Variants in LINGO2 observed in about 807,000 individuals in gnomAD.
LINGO2 encodes leucine rich repeat and Ig domain containing 2, also known as leucine-rich repeat and immunoglobulin-like domain-containing nogo receptor-interacting protein 2.
A neutral mutation model predicts 30.6 loss-of-function variants in LINGO2; 14 were observed. The ratio of observed to expected loss-of-function variants is 0.46; its 90% CI spans 0.30 to 0.72. The LOEUF is 0.72. Among genes scored for constraint, LINGO2 ranks in the 30% least tolerant of loss-of-function variants. LINGO2 has a pLI of 0.07. For missense variants in LINGO2, 729 were observed against 751.7 expected (o/e 0.97, Z 0.35); for synonymous variants, 317 against 288.5 (o/e 1.10, Z -1.00).
At chr9:28,871,173 T>C in the LINGO2 span, among the ~76,000 whole-genome samples, 1 of 151,802 alleles carries the variant, frequency 6.6e-6, no homozygotes, top group East Asian at 1.9e-4. Flanking sequence ...AATATTGCTA[T>C]GTAGATACTA....
At chr9:29,097,148 T>C in the LINGO2 span, among the ~76,000 whole-genome samples, 1 of 138,726 alleles carries the variant, frequency 7.2e-6, no homozygotes, top group Non-Finnish European at 1.6e-5. Context: ...TTGCTTTTCA[T>C]ATATCGTTAC....
At chr9:28,505,642 C>A (rs1820078398) in intron 1 of LINGO2, among the ~76,000 whole-genome samples, 2 of 151,792 alleles carry the variant, frequency 1.3e-5, no homozygotes, top group South Asian at 4.1e-4. Flanking sequence ...AGTTTACAAA[C>A]AATAAATAGT....
intron 5 of LINGO2, among the ~76,000 whole-genome samples, chr9:27,955,723 C>A (rs1193815931): frequency 2.0e-5 from 3 of 151,894 alleles, no homozygotes; most frequent in African/African-American, 7.3e-5. Context: ...CCAAGAGCTG[C>A]TATGAATATT....
chr9:29,007,917 T>C, the LINGO2 span, among the ~76,000 whole-genome samples: 58,786 of 151,864 alleles, frequency 0.39, 11,611 homozygotes, highest in East Asian at 0.5. Flanking sequence ...AGCCGTAATA[T>C]TTGTTTTTTA....
chr9:28,160,721 T>G (rs1564009731), intron 4 of LINGO2, among the ~76,000 whole-genome samples: 1 of 152,186 alleles, frequency 6.6e-6, no homozygotes, highest in Non-Finnish European at 1.5e-5. Flanking sequence ...TGTTATTCTA[T>G]CCTCAGTGCT....
At chr9:28,698,116 C>T in the LINGO2 span, among the ~76,000 whole-genome samples, 1 of 152,042 alleles carries the variant, frequency 6.6e-6, no homozygotes, top group Admixed American at 6.6e-5. Flanking sequence ...ACTACATATA[C>T]AATCAATGTG....
the LINGO2 span, among the ~76,000 whole-genome samples, chr9:29,110,483 C>T: frequency 2.0e-5 from 3 of 151,792 alleles, no homozygotes; most frequent in African/African-American, 7.3e-5. Context: ...CAGGCGCCCG[C>T]CGCCACGCCC....
At chr9:28,389,943 C>G (rs1478167529) in intron 2 of LINGO2, among the ~76,000 whole-genome samples, 1 of 152,144 alleles carries the variant, frequency 6.6e-6, no homozygotes, top group Non-Finnish European at 1.5e-5. Flanking sequence ...GTTTCATGTT[C>G]CAACATTCCA....
chr9:29,203,354 G>T, the LINGO2 span, among the ~76,000 whole-genome samples: 2 of 152,170 alleles, frequency 1.3e-5, no homozygotes, highest in South Asian at 4.1e-4. Context: ...TGGAAGGAAT[G>T]TTTTGCAAGG....
At chr9:28,133,614 T>C (rs540469168) in intron 4 of LINGO2, among the ~76,000 whole-genome samples, 2 of 152,294 alleles carry the variant, frequency 1.3e-5, no homozygotes, top group East Asian at 3.9e-4. Context: ...GAGCAATGTG[T>C]TGAGAGACAG....
At chr9:28,772,741 A>G in the LINGO2 span, among the ~76,000 whole-genome samples, 1 of 152,190 alleles carries the variant, frequency 6.6e-6, no homozygotes, top group African/African-American at 2.4e-5. Flanking sequence ...TTTCCATATG[A>G]TACTTGAAGA....
intron 3 of LINGO2, among the ~76,000 whole-genome samples, chr9:28,372,601 T>C (rs933989634): frequency 1.6e-5 from 1 of 63,078 alleles, no homozygotes; most frequent in Non-Finnish European, 4.5e-5. Context: ...TTGCACAGCA[T>C]GGTAAATCTA....
intron 3 of LINGO2, among the ~76,000 whole-genome samples, chr9:28,341,721 G>C (rs990463356): frequency 6.6e-6 from 1 of 152,080 alleles, no homozygotes; most frequent in Non-Finnish European, 1.5e-5. Flanking sequence ...ACCATATAGC[G>C]TGTGTTTCTA....
chr9:28,864,143 C>T, the LINGO2 span, among the ~76,000 whole-genome samples: 1 of 152,052 alleles, frequency 6.6e-6, no homozygotes, highest in African/African-American at 2.4e-5. Flanking sequence ...TCCTCAGTTA[C>T]TTAGCTTCCC....
chr9:28,260,193 T>G (rs113059917), intron 4 of LINGO2, among the ~76,000 whole-genome samples: 5 of 151,536 alleles, frequency 3.3e-5, no homozygotes, highest in African/African-American at 1.2e-4. Context: ...TAACCATATA[T>G]ACAAAGGATA....
At chr9:28,191,167 T>C (rs1258500497) in intron 4 of LINGO2, among the ~76,000 whole-genome samples, 3 of 152,212 alleles carry the variant, frequency 2.0e-5, no homozygotes, top group African/African-American at 4.8e-5. Flanking sequence ...AAATTGGCTC[T>C]AGGCAGGCAA....
intron 1 of LINGO2, among the ~76,000 whole-genome samples, chr9:28,559,733 T>A (rs930397196): frequency 6.6e-6 from 1 of 152,104 alleles, no homozygotes; most frequent in Non-Finnish European, 1.5e-5. Context: ...TCTGTTAAAT[T>A]TTTTTTGTTC....
chr9:28,667,372 AT>A (rs1828843845), intron 1 of LINGO2, among the ~76,000 whole-genome samples: 1 of 152,164 alleles, frequency 6.6e-6, no homozygotes, highest in Non-Finnish European at 1.5e-5. Flanking sequence ...CATTTAAAAC[AT>A]TTACAGAGAG....
intron 4 of LINGO2, among the ~76,000 whole-genome samples, chr9:28,042,588 G>C (rs374239393): frequency 6.6e-6 from 1 of 152,050 alleles, no homozygotes; most frequent in Non-Finnish European, 1.5e-5. Context: ...ATGAAAGAAA[G>C]GTACAAATTC....
Sources: allele counts gnomAD v4.1 joint callset (sites outside exome capture counted in the v4.1 genomes callset), GRCh38; gene constraint gnomAD v4.1.1; transcripts MANE v1.5; gene names NCBI Gene and HGNC (gene_info 2026-07-23, HGNC 2026-07-21).